TSHR: variants seen among roughly 807,000 people sequenced by gnomAD.
The protein encoded by TSHR is thyroid stimulating hormone receptor, also known as thyrotropin receptor.
Under a neutral mutation model 64.1 loss-of-function variants are expected in TSHR, and 51 were observed. The observed-to-expected ratio is 0.80, with a 90% CI of 0.64 to 1.01. The LOEUF (loss-of-function observed/expected upper bound fraction) is 1.01, where lower values mean the gene tolerates loss of function less well. Ranked by LOEUF, TSHR falls within the 50% of genes least tolerant of loss-of-function variation. The pLI is 0.00. For synonymous variants in TSHR, 361 were observed against 361.9 expected (o/e 1.00, Z 0.03); for missense variants, 877 against 942.8 (o/e 0.93, Z 0.91).
At chr14:81,108,344 T>TCTCG in intron 7 of TSHR, 31 bp from the exon 8 acceptor site, 2 of 1,361,614 alleles carry the variant, frequency 1.5e-6, no homozygotes, top group Non-Finnish European at 2.0e-6. Flanking sequence ...CCTAATTCAT[T>TCTCG]CTCTCTCTCT....
chr14:81,004,697 C>T (rs1310290179), intron 1 of TSHR, among the ~76,000 whole-genome samples: 2 of 152,200 alleles, frequency 1.3e-5, no homozygotes, highest in South Asian at 2.1e-4. Context: ...TCCCAGCAAC[C>T]GCCATGGTCA....
chr14:81,092,660 AT>A (rs2139985736), intron 6 of TSHR, 52 bp downstream of exon 6: 1 of 1,552,942 alleles, frequency 6.4e-7, no homozygotes, highest in Non-Finnish European at 8.9e-7. Flanking sequence ...ATTTTGAGCC[AT>A]TTTCATATGT....
intron 2 of TSHR, 130 bp downstream of exon 2, chr14:81,062,349 C>A: frequency 3.2e-6 from 2 of 629,588 alleles, no homozygotes; most frequent in South Asian, 2.2e-5. Flanking sequence ...ATGTATATGA[C>A]AATTTTATGT....
At chr14:81,070,556 G>A (rs1054493883) in intron 3 of TSHR, among the ~76,000 whole-genome samples, 11 of 149,178 alleles carry the variant, frequency 7.4e-5, no homozygotes, top group African/African-American at 2.5e-4. Context: ...AACCTGGGCG[G>A]GAGAGGTTGC....
chr14:81,137,682 C>T (rs1241105453), intron 8 of TSHR, among the ~76,000 whole-genome samples: 1 of 152,192 alleles, frequency 6.6e-6, no homozygotes, highest in African/African-American at 2.4e-5. Context: ...AAAACCTATG[C>T]TCATAATAAA....
At chr14:81,104,527 A>G (rs1889772352) in intron 7 of TSHR, 1 of 985,454 alleles carries the variant, frequency 1.0e-6, no homozygotes, top group African/African-American at 1.7e-5. Flanking sequence ...AACCTGGTAT[A>G]GAGGGTGCCT....
chr14:81,114,012 C>T (rs1057207309), intron 8 of TSHR, among the ~76,000 whole-genome samples: 1 of 151,694 alleles, frequency 6.6e-6, no homozygotes, highest in African/African-American at 2.4e-5. Flanking sequence ...AATTTACATT[C>T]TAAAATGTAA....
intron 1 of TSHR, chr14:81,052,201 C>T (rs1258243382): frequency 6.6e-6 from 1 of 152,110 alleles, no homozygotes; most frequent in Non-Finnish European, 1.5e-5. Flanking sequence ...AGAGTCTCAC[C>T]CATCTTGAGT....
intron 1 of TSHR, chr14:80,983,464 C>T (rs1888278726): frequency 1.5e-6 from 2 of 1,340,200 alleles, no homozygotes; most frequent in East Asian, 2.3e-5. Flanking sequence ...CTGGCAGCAT[C>T]AAAACTCATC....
At chr14:81,067,851 C>T (rs201920566) in intron 2 of TSHR, among the ~76,000 whole-genome samples, 18 of 145,824 alleles carry the variant, frequency 1.2e-4, no homozygotes, top group African/African-American at 3.3e-4. Flanking sequence ...TCTAGTAACA[C>T]GGAATTAGAC....
intron 8 of TSHR, among the ~76,000 whole-genome samples, chr14:81,128,650 G>A (rs1370686933): frequency 6.6e-6 from 1 of 151,880 alleles, no homozygotes; most frequent in Non-Finnish European, 1.5e-5. Flanking sequence ...CCTCCTCATG[G>A]TTCTACCCCA....
intron 1 of TSHR, among the ~76,000 whole-genome samples, chr14:80,979,283 C>A (rs994889839): frequency 6.6e-6 from 1 of 152,056 alleles, no homozygotes; most frequent in African/African-American, 2.4e-5. Context: ...TATGTGGAGT[C>A]TAACATCATG....
intron 1 of TSHR, among the ~76,000 whole-genome samples, chr14:81,056,759 T>G (rs1315574799): frequency 2.0e-5 from 3 of 152,150 alleles, no homozygotes; most frequent in Non-Finnish European, 4.4e-5. Flanking sequence ...TGACCCTACA[T>G]AATAACTCAC....
At chr14:80,973,759 C>CT (rs1887721658) in intron 1 of TSHR, among the ~76,000 whole-genome samples, 1 of 152,018 alleles carries the variant, frequency 6.6e-6, no homozygotes, top group South Asian at 2.1e-4. Context: ...GCTTCTATGC[C>CT]TTTTTTTAAA....
At chr14:81,046,783 C>T (rs985091531) in intron 1 of TSHR, among the ~76,000 whole-genome samples, 1 of 151,882 alleles carries the variant, frequency 6.6e-6, no homozygotes, top group South Asian at 2.1e-4. Flanking sequence ...CTGCTGAAAA[C>T]AAGTGATAAA....
chr14:80,978,370 A>C (rs1462737712), intron 1 of TSHR, among the ~76,000 whole-genome samples: 1 of 152,072 alleles, frequency 6.6e-6, no homozygotes, highest in East Asian at 1.9e-4. Flanking sequence ...TCCAGTACCA[A>C]CTGTATCAGT....
chr14:81,010,279 A>G (rs977392058), intron 1 of TSHR, among the ~76,000 whole-genome samples: 2 of 152,076 alleles, frequency 1.3e-5, no homozygotes, highest in Non-Finnish European at 2.9e-5. Flanking sequence ...TTTTAATTTA[A>G]CTTTTTAAAT....
intron 1 of TSHR, among the ~76,000 whole-genome samples, chr14:81,019,477 G>A (rs905305953): frequency 3.7e-5 from 2 of 54,052 alleles, no homozygotes; most frequent in Non-Finnish European, 7.7e-5. Flanking sequence ...TTTTTTTTTT[G>A]TATTTAAGTT....
chr14:80,987,940 A>C (rs1888552260), intron 1 of TSHR, among the ~76,000 whole-genome samples: 1 of 152,148 alleles, frequency 6.6e-6, no homozygotes, highest in South Asian at 2.1e-4. Context: ...TCTATTAGAA[A>C]TTATCTACTC....
Sources: allele counts gnomAD v4.1 joint callset (sites outside exome capture counted in the v4.1 genomes callset), GRCh38; gene constraint gnomAD v4.1.1; transcripts MANE v1.5; gene names NCBI Gene and HGNC (gene_info 2026-07-23, HGNC 2026-07-21).